The following RARS2 variants were observed in gnomAD, a reference collection of about 807,000 sequenced individuals.
RARS2 encodes the protein probable arginine--tRNA ligase, mitochondrial.
A neutral mutation model predicts 88.5 loss-of-function variants in RARS2; 67 were observed. That is an observed-to-expected ratio of 0.76 (90% CI 0.62 to 0.93). The LOEUF is 0.93. Ranked by LOEUF, RARS2 falls within the 40% of genes least tolerant of loss-of-function variation. The probability of loss-of-function intolerance (pLI) is 0.00; values close to 1 mark genes in which losing one functional copy is unlikely to be tolerated. For synonymous variants in RARS2, 239 were observed against 230.3 expected, an observed-to-expected ratio of 1.04 and a Z score of -0.34; for missense variants, 664 against 684.2, an observed-to-expected ratio of 0.97 and a Z score of 0.33.
At position 87,555,402 on chromosome 6, in the gene RARS2, C is replaced by G. The variant is rs1785567636; in HGVS notation, c.395+6G>C. The G allele has an allele frequency of 6.2e-7, 1 of 1,610,540 alleles. No homozygotes were observed. Among genetic ancestry groups the G allele is most frequent in the Admixed American group, 1.7e-5 (1 of 59,978 alleles). ...TAAGCAACACATAAAAGGGGTGCAC[C>G]CTCACCTGAATTCAACCACAATCTT... On this transcript the variant is annotated splice_donor_region_variant and intron_variant, in intron 5 of 19. Coordinates refer to ENST00000369536, the MANE Select transcript of RARS2 (RefSeq NM_020320.5).
chr6:87,586,893 T>G (rs1562288527), intron 1 of RARS2, among the ~76,000 whole-genome samples: 1 of 136,784 alleles, frequency 7.3e-6, no homozygotes, highest in Non-Finnish European at 1.5e-5. Flanking sequence ...TATTTATTTA[T>G]TTATTTATTT....
Position 87,542,051 on chromosome 6 carries a change from T to C in RARS2, c.536-57A>G, listed in dbSNP as rs1031441376. On this transcript the variant is annotated intron_variant, in intron 7 of 19. Coordinates refer to ENST00000369536, the MANE Select transcript of RARS2 (RefSeq NM_020320.5). ...AAAGTTGAACAACAGAGAATAGGCA[T>C]GACAGGGAATAGGTATAATTCTATA... 4.1e-5 allele frequency: 53 copies of C among 1,301,648 alleles called. No homozygotes were observed. In the Admixed American group the frequency reaches 8.9e-4, roughly 22 times the overall value. The allele number at this position is 1,301,648 out of a possible 1,614,324, so 80.6% of individuals were successfully genotyped here.
At chr6:87,520,984 A>G (rs1326769517) in intron 12 of RARS2, among the ~76,000 whole-genome samples, 1 of 152,208 alleles carries the variant, frequency 6.6e-6, no homozygotes, top group African/African-American at 2.4e-5. Context: ...CCACACAAAC[A>G]TTTACAGGAG....
chr6:87,573,700 C>CA (rs903965403), intron 1 of RARS2, among the ~76,000 whole-genome samples: 12 of 150,508 alleles, frequency 8.0e-5, no homozygotes, highest in African/African-American at 2.2e-4. Context: ...AAAAAACACA[C>CA]AAAAAAAAAC....
At chr6:87,519,437 C>T in intron 14 of RARS2, 146 bp downstream of exon 14, 2 of 822,566 alleles carry the variant, frequency 2.4e-6, no homozygotes. Flanking sequence ...AAAATTCTGG[C>T]ACCTCTAATT....
chr6:87,583,056 T>C (rs1774087027), intron 1 of RARS2, among the ~76,000 whole-genome samples: 1 of 152,240 alleles, frequency 6.6e-6, no homozygotes, highest in Admixed American at 6.5e-5. Flanking sequence ...ACTATGGTCA[T>C]GTAAAACAAG....
intron 13 of RARS2, 100 bp from the exon 14 acceptor site, chr6:87,519,807 G>A (rs556086098): frequency 2.2e-6 from 3 of 1,394,538 alleles, no homozygotes; most frequent in African/African-American, 1.4e-5. Flanking sequence ...AACCATCAGA[G>A]CAGAGTTTTT....
chr6:87,536,015 ATACAGG>A (rs1779055535), intron 8 of RARS2, among the ~76,000 whole-genome samples: 1 of 152,070 alleles, frequency 6.6e-6, no homozygotes, highest in Non-Finnish European at 1.5e-5. Flanking sequence ...CAGTGCTAGG[ATACAGG>A]CTAATCCATA....
At chr6:87,551,623 C>CAACAAAAA (rs1784363562) in intron 5 of RARS2, among the ~76,000 whole-genome samples, 1 of 14,126 alleles carries the variant, frequency 7.1e-5, no homozygotes, top group African/African-American at 4.3e-4. Context: ...GACTCCGTCT[C>CAACAAAAA]AACAAAAAAA....
Position 87,548,297 on chromosome 6 carries a change from G to T in RARS2, c.451+294C>A, listed in dbSNP as rs572380974. ...TCCCCACATAACTATTTTTACTTTT[G>T]CATCTTTCAGGTCTTCCCCATATTT... is the stretch of plus-strand genomic sequence containing the variant. On this transcript the variant is annotated intron_variant, in intron 6 of 19. Coordinates refer to ENST00000369536, the MANE Select transcript of RARS2 (RefSeq NM_020320.5). 3.3e-5 allele frequency among the ~76,000 whole-genome samples: 5 copies of T among 152,160 alleles called. No individual in the cohort carries two copies. In the South Asian group the frequency reaches 1.0e-3, roughly 32 times the overall value.
intron 8 of RARS2, among the ~76,000 whole-genome samples, chr6:87,533,667 A>C (rs1038816968): frequency 6.6e-6 from 1 of 152,252 alleles, no homozygotes; most frequent in Non-Finnish European, 1.5e-5. Context: ...TTCCTTAAAA[A>C]AAATTAACAT....
At chr6:87,543,240 T>C (rs1266781146) in intron 7 of RARS2, among the ~76,000 whole-genome samples, 3 of 151,090 alleles carry the variant, frequency 2.0e-5, no homozygotes, top group East Asian at 3.9e-4. Flanking sequence ...GAGGCGGAGG[T>C]TGCGGTGAGC....
At chr6:87,514,918 G>A in intron 19 of RARS2, 39 bp downstream of exon 19, 2 of 1,510,762 alleles carry the variant, frequency 1.3e-6, no homozygotes, top group Non-Finnish European at 1.8e-6. Flanking sequence ...TTAGTCTCAG[G>A]AGCTAGGGAT....
chr6:87,521,997 T>C (rs1181417030), intron 11 of RARS2, among the ~76,000 whole-genome samples: 2 of 152,204 alleles, frequency 1.3e-5, no homozygotes, highest in African/African-American at 4.8e-5. Context: ...TTTCAAAGTC[T>C]TGGGTCAGTC....
Position 87,549,568 on chromosome 6 carries a change from T to C in RARS2, c.396-922A>G, listed in dbSNP as rs187987285. Among the ~76,000 whole-genome samples, 54 of 147,636 alleles carry C rather than the reference T, an allele frequency of 3.7e-4. 1 individual carries two copies. In the East Asian group the frequency reaches 9.5e-3, roughly 26 times the overall value. On this transcript the variant is annotated intron_variant, in intron 5 of 19. Transcript: ENST00000369536. ...CTGTAAAATTAAAAAAAAAAAAACA[T>C]GTAAAAATATTTATGCATAAAACCT...
chr6:87,542,194 A>G (rs1486683927), intron 7 of RARS2, among the ~76,000 whole-genome samples, 200 bp from the exon 8 acceptor site: 1 of 152,234 alleles, frequency 6.6e-6, no homozygotes, highest in Non-Finnish European at 1.5e-5. Context: ...TAAATTCAAC[A>G]TACTGAATAG....
At position 87,519,619 on chromosome 6, in the gene RARS2, G is replaced by GT. The variant is rs757991007; in HGVS notation, c.1200_1201insA (p.Gln401ThrfsTer12). 1 of 1,612,666 alleles carries GT rather than the reference G, an allele frequency of 6.2e-7. No individual in the cohort carries two copies. The highest frequency in any genetic ancestry group is 8.5e-7 in the Non-Finnish European group (1 of 1,178,758). ...GCCATGTTCTGTAGCATCCTTAATTGAATCTCATTTAAAACATCTTCCAGG... is the reference window on the plus strand; with the variant it reads ...GCCATGTTCTGTAGCATCCTTAATTGTAATCTCATTTAAAACATCTTCCAGG... On this transcript the variant is annotated frameshift_variant, in exon 14 of 20. Coordinates refer to ENST00000369536, the MANE Select transcript of RARS2 (RefSeq NM_020320.5). LOFTEE classifies it high-confidence loss of function.
At chr6:87,543,673 A>G (rs62417676) in intron 7 of RARS2, among the ~76,000 whole-genome samples, 4,874 of 152,222 alleles carry the variant, frequency 0.032, 106 homozygotes, top group Middle Eastern at 0.054. Flanking sequence ...TTATTTCTAT[A>G]TCAATTACCA....
intron 1 of RARS2, among the ~76,000 whole-genome samples, chr6:87,578,322 A>G (rs1772265719): frequency 6.6e-6 from 1 of 152,034 alleles, no homozygotes; most frequent in Non-Finnish European, 1.5e-5. Context: ...TTTCCTTCCT[A>G]TTTTCCTTCC....
Sources: gnomAD v4.1 joint callset for allele counts (sites outside exome capture counted in the v4.1 genomes callset) on GRCh38, gnomAD v4.1.1 for gene constraint, MANE v1.5 for transcripts, NCBI Gene and HGNC (gene_info 2026-07-23, HGNC 2026-07-21) for gene names.